Variants in UNC80 observed in about 807,000 individuals in gnomAD.
UNC80 encodes protein unc-80 homolog.
Under a neutral mutation model 384.6 loss-of-function variants are expected in UNC80, and 164 were observed. The ratio of observed to expected loss-of-function variants is 0.43; its 90% CI spans 0.38 to 0.49. The LOEUF (loss-of-function observed/expected upper bound fraction) is 0.49, where lower values mean the gene tolerates loss of function less well. Ranked by LOEUF, UNC80 falls within the 20% of genes least tolerant of loss-of-function variation. The pLI is 0.00. For synonymous variants in UNC80, 1,486 were observed against 1,527.8 expected (o/e 0.97, Z 0.64); for missense variants, 3,330 against 4,143.0 (o/e 0.80, Z 5.39).
chr2:209,978,728 C>G lies in UNC80; in HGVS notation c.9118+20C>G. 6.6e-7 allele frequency: 1 copy of G among 1,511,516 alleles called. No individual in the cohort carries two copies. Among genetic ancestry groups the G allele is most frequent in the Non-Finnish European group, 8.9e-7 (1 of 1,117,812 alleles). 93.6% of individuals were successfully genotyped at this position (1,511,516 alleles called of 1,614,324 possible). On this transcript the variant is annotated intron_variant, in intron 59 of 64. Coordinates refer to ENST00000673920, the MANE Select transcript of UNC80 (RefSeq NM_001371986.1). ...AGGAAAGTAGGTCATTCCAGAGAAT[C>G]TGGGCAGTAGACATGGCCTGGCCAT...
intron 26 of UNC80, among the ~76,000 whole-genome samples, chr2:209,891,720 A>C (rs1447413384): frequency 1.3e-5 from 2 of 152,164 alleles, no homozygotes; most frequent in Non-Finnish European, 2.9e-5. Context: ...TGCAGTTATA[A>C]GTTAAATGAG....
At chr2:209,927,051 A>G (rs2090488818) in intron 36 of UNC80, 65 bp downstream of exon 36, 1 of 1,523,366 alleles carries the variant, frequency 6.6e-7, no homozygotes, top group Admixed American at 2.0e-5. Context: ...AGAAGACAGT[A>G]GGTTGCTCTT....
chr2:209,954,194 C>T lies in UNC80; in HGVS notation c.7381C>T (p.Arg2461Ter), dbSNP rs1254716249. 9.0e-6 allele frequency: 14 copies of T among 1,550,888 alleles called. No homozygotes were observed. Among genetic ancestry groups the T allele is most frequent in the African/African-American group, 1.4e-5 (1 of 72,978 alleles). ...TSQVETVPAA[R>*]EEIAATAALA... ...ACAGGTGGAGACAGTACCTGCTGCC[C>T]GAGAGGAGATTGCGGCCACTGCTGC... The change falls in exon 48 of 65, where the codon CGA (arginine) becomes TGA (stop). Residue 2461 changes from arginine to a stop codon, truncating the protein, a stop_gained. Coordinates refer to ENST00000673920, the MANE Select transcript of UNC80 (RefSeq NM_001371986.1). LOFTEE classifies it high-confidence loss of function.
Position 209,904,779 on chromosome 2 carries a change from G to A in UNC80, c.4596G>A (p.Leu1532=). 6.4e-7 allele frequency: 1 copy of A among 1,551,974 alleles called. No individual in the cohort carries two copies. Among genetic ancestry groups the A allele is most frequent in the Non-Finnish European group, 8.7e-7 (1 of 1,147,052 alleles). Residue 1532 remains leucine (L), a synonymous_variant, in exon 29 of 65, where the codon CTG becomes CTA. Transcript: ENST00000673920. ...NMSWLHVMIL[L]CNQQSFICTH... Reference sequence around the variant, plus strand: ...TTGTATTCCAGGTGATGATCTTGCTGTGCAATCAGCAGAGTTTCATCTGCA... The same window carrying A: ...TTGTATTCCAGGTGATGATCTTGCTATGCAATCAGCAGAGTTTCATCTGCA...
intron 59 of UNC80, among the ~76,000 whole-genome samples, chr2:209,981,169 G>A (rs2093147884): frequency 6.6e-6 from 1 of 152,168 alleles, no homozygotes; most frequent in Non-Finnish European, 1.5e-5. Context: ...AACTCAATAT[G>A]TTTATCAAAG....
intron 3 of UNC80, 123 bp downstream of exon 3, chr2:209,776,168 A>T: frequency 8.1e-7 from 1 of 1,241,788 alleles, no homozygotes; most frequent in Non-Finnish European, 1.1e-6. Context: ...ATCTCATTTA[A>T]TTATCACAAA....
intron 7 of UNC80, among the ~76,000 whole-genome samples, chr2:209,803,609 T>G (rs2078696508): frequency 6.6e-6 from 1 of 152,242 alleles, no homozygotes; most frequent in South Asian, 2.1e-4. Context: ...GTCAAAAATA[T>G]GAGGTTCACT....
At chr2:209,926,045 A>G (rs370853072) in intron 35 of UNC80, among the ~76,000 whole-genome samples, 98 of 152,174 alleles carry the variant, frequency 6.4e-4, no homozygotes, top group African/African-American at 2.3e-3. Flanking sequence ...CTTTATTCCT[A>G]TATGCAATTA....
At chr2:209,907,124 C>T (rs1243690732) in intron 29 of UNC80, among the ~76,000 whole-genome samples, 2 of 152,084 alleles carry the variant, frequency 1.3e-5, no homozygotes, top group African/African-American at 4.8e-5. Context: ...ATTTTCCTTA[C>T]TTCCTTCTTC....
chr2:209,831,361 T>C (rs1474952805), intron 15 of UNC80, 82 bp from the exon 16 acceptor site: 2 of 1,394,454 alleles, frequency 1.4e-6, no homozygotes, highest in Non-Finnish European at 1.9e-6. Flanking sequence ...CACTAATTCC[T>C]GGGTGCCAAG....
intron 23 of UNC80, among the ~76,000 whole-genome samples, chr2:209,874,020 CTT>C: frequency 6.6e-6 from 1 of 151,882 alleles, no homozygotes; most frequent in South Asian, 2.1e-4. Context: ...GAGTAGAACA[CTT>C]TATTAATGCT....
chr2:209,955,724 TATATATATATATATACACACAC>T (rs1264807433), intron 48 of UNC80, among the ~76,000 whole-genome samples: 18 of 80,848 alleles, frequency 2.2e-4, no homozygotes, highest in East Asian at 1.4e-3. Context: ...TATATATATA[TATATATATATATATACACACAC>T]ACACACACAC....
At chr2:209,840,730 C>G in intron 20 of UNC80, 82 bp downstream of exon 20, 1 of 1,146,650 alleles carries the variant, frequency 8.7e-7, no homozygotes, top group South Asian at 1.5e-5. Flanking sequence ...CAAACACCTG[C>G]AGGGGCCAAA....
At chr2:209,901,670 T>C (rs902377320) in intron 28 of UNC80, among the ~76,000 whole-genome samples, 3 of 152,142 alleles carry the variant, frequency 2.0e-5, no homozygotes, top group African/African-American at 4.8e-5. Flanking sequence ...TTCACACCTG[T>C]AATCCCAGCA....
intron 7 of UNC80, among the ~76,000 whole-genome samples, chr2:209,800,941 A>G (rs929664257): frequency 1.3e-5 from 2 of 152,120 alleles, no homozygotes; most frequent in African/African-American, 2.4e-5. Flanking sequence ...TTTCAGTTCT[A>G]TTGCATTTGC....
In UNC80 at chr2:209,976,133, C is replaced by G. The variant is rs1227642683; in HGVS notation, c.8602C>G (p.Leu2868Val). The stretch of plus-strand genomic sequence containing the variant: ...CCGGTGTGAAGCGCTGAAGGTGATT[C>G]TCGTCTGCTTTGAGAGGCAGCTCGG... Reference protein sequence around the residue: ...QAAYLALKVILVCFERQLGSQ... With the variant: ...QAAYLALKVIVVCFERQLGSQ... The change falls in exon 57 of 65, where the codon CTC (leucine) becomes GTC (valine). Residue 2868 changes from leucine (L) to valine (V), a missense_variant. By Grantham distance (32) the Leu-to-Val change is conservative (BLOSUM62 1). Coordinates refer to ENST00000673920, the MANE Select transcript of UNC80 (RefSeq NM_001371986.1). The surrounding 1 kb of genome is among the most constrained non-coding windows in gnomAD (Gnocchi z 4.3). 2.6e-6 allele frequency: 4 copies of G among 1,551,174 alleles called. No homozygotes were observed. Among genetic ancestry groups the G allele is most frequent in the Non-Finnish European group, 3.5e-6 (4 of 1,146,842 alleles).
intron 14 of UNC80, 84 bp downstream of exon 14, chr2:209,826,137 G>A: frequency 7.4e-7 from 1 of 1,346,140 alleles, no homozygotes; most frequent in Admixed American, 2.9e-5. Flanking sequence ...ATGAGGGTCA[G>A]TGTTCCCTGA....
chr2:209,896,229 A>T, intron 27 of UNC80, 84 bp from the exon 28 acceptor site: 1 of 1,250,920 alleles, frequency 8.0e-7, no homozygotes, highest in Non-Finnish European at 1.1e-6. Context: ...CCTAGGATTC[A>T]GAAGCATGGA....
Position 209,976,106 on chromosome 2 carries a change from T to G in UNC80, c.8588-13T>G. 6.5e-7 allele frequency: 1 copy of G among 1,543,504 alleles called. No individual in the cohort carries two copies. The highest frequency in any genetic ancestry group is 8.7e-7 in the Non-Finnish European group (1 of 1,143,232). On this transcript the variant is annotated splice_polypyrimidine_tract_variant and intron_variant, in intron 56 of 64. Transcript: ENST00000673920. The surrounding 1 kb of genome is among the most constrained non-coding windows in gnomAD (Gnocchi z 4.3). ...CGTCCGCAGGCTCATTTTTCTCTTTTCCCGGTGTGAAGCGCTGAAGGTGAT... is the reference window on the plus strand; with the variant it reads ...CGTCCGCAGGCTCATTTTTCTCTTTGCCCGGTGTGAAGCGCTGAAGGTGAT...
Sources: gnomAD v4.1 joint callset for allele counts (sites outside exome capture counted in the v4.1 genomes callset) on GRCh38, gnomAD v4.1.1 for gene constraint, Gnocchi (gnomAD v3.1) non-coding constraint, MANE v1.5 for transcripts, NCBI Gene and HGNC (gene_info 2026-07-23, HGNC 2026-07-21) for gene names.